The following MLXIPL variants were observed in gnomAD, a reference collection of about 807,000 sequenced individuals.
MLXIPL encodes carbohydrate-responsive element-binding protein.
MLXIPL carries 49 observed loss-of-function variants against 81.5 expected under a neutral mutation model. That is an observed-to-expected ratio of 0.60 (90% CI 0.48 to 0.76). MLXIPL has a LOEUF of 0.76. Ranked by LOEUF, MLXIPL falls within the 30% of genes least tolerant of loss-of-function variation. MLXIPL has a pLI of 0.00. For missense variants in MLXIPL, 1,053 were observed against 1,167.0 expected (o/e 0.90, Z 1.42); for synonymous variants, 466 against 485.5 (o/e 0.96, Z 0.53).
At chr7:73,619,799 A>G (rs1408056970) in intron 1 of MLXIPL, among the ~76,000 whole-genome samples, 1 of 151,370 alleles carries the variant, frequency 6.6e-6, no homozygotes, top group African/African-American at 2.4e-5. Context: ...GCGTGGTGGC[A>G]GGTGCCTGTG....
chr7:73,608,076 C>T (rs564858798), intron 2 of MLXIPL, among the ~76,000 whole-genome samples: 13 of 150,660 alleles, frequency 8.6e-5, no homozygotes, highest in Admixed American at 3.3e-4. Context: ...AGGCTGGTCT[C>T]GAACTGCTGA....
intron 2 of MLXIPL, among the ~76,000 whole-genome samples, chr7:73,611,823 A>T (rs1000372467): frequency 4.6e-5 from 7 of 152,000 alleles, no homozygotes; most frequent in Non-Finnish European, 1.0e-4. Context: ...CAAAAAAAAA[A>T]AAATAAAATA....
At chr7:73,625,114 G>A (rs1796660617), upstream of MLXIPL, among the ~76,000 whole-genome samples, 1 of 152,180 alleles carries the variant, frequency 6.6e-6, no homozygotes, top group Non-Finnish European at 1.5e-5. Flanking sequence ...AGACCAAGAG[G>A]TTGAGGCTGC....
At position 73,624,251 on chromosome 7, in the gene MLXIPL, C is replaced by A; in HGVS notation, c.242G>T (p.Ser81Ile). Residue 81 changes from serine to isoleucine, a missense_variant, in exon 1 of 17, where the codon AGT becomes ATT. Ser to Ile is a moderately radical substitution (Grantham distance 142). Around this residue, in one of 3 missense-constraint regions of MLXIPL, gnomAD observed 226 missense variants for 216.2 expected, o/e 1.05. Transcript: ENST00000313375. ...GAGGCGTGTGAGTGTGGGGTCGATA[C>A]TGCGCGGCCCGAAGTCGGAGGGCCC... Reference protein sequence around the residue: ...SVGPSDFGPRSIDPTLTRLFE... With the variant: ...SVGPSDFGPRIIDPTLTRLFE... 6.3e-7 allele frequency: 1 copy of A among 1,594,908 alleles called. No homozygotes were observed. The highest frequency in any genetic ancestry group is 1.3e-5 in the African/African-American group (1 of 74,496).
chr7:73,597,102 T>C, intron 9 of MLXIPL, 80 bp downstream of exon 9: 1 of 1,493,748 alleles, frequency 6.7e-7, no homozygotes. Flanking sequence ...CACCTTCATC[T>C]TCTGCTCCCA....
chr7:73,602,974 G>C (rs1795001603), intron 7 of MLXIPL, among the ~76,000 whole-genome samples: 1 of 152,190 alleles, frequency 6.6e-6, no homozygotes, highest in Non-Finnish European at 1.5e-5. Flanking sequence ...GAGAGAAGTT[G>C]CTTCCCAGCC....
upstream of MLXIPL, among the ~76,000 whole-genome samples, chr7:73,627,045 G>T (rs1194166446): frequency 2.0e-5 from 3 of 152,144 alleles, no homozygotes. Context: ...CCTTGGCCGG[G>T]TATCTTCTGT....
upstream of MLXIPL, among the ~76,000 whole-genome samples, chr7:73,627,910 C>T (rs1162385787): frequency 6.6e-6 from 1 of 152,146 alleles, no homozygotes; most frequent in Non-Finnish European, 1.5e-5. Context: ...GGGGAGATCT[C>T]TGTCTCTCTG....
At chr7:73,594,095 C>T in intron 16 of MLXIPL, 112 bp from the exon 17 acceptor site, 1 of 1,364,032 alleles carries the variant, frequency 7.3e-7, no homozygotes, top group Non-Finnish European at 1.0e-6. Context: ...ACTGTCACCC[C>T]CTCCTAGAAC....
At position 73,594,349 on chromosome 7, in the gene MLXIPL, C is replaced by T; in HGVS notation, c.2365G>A (p.Ala789Thr). The T allele has an allele frequency of 6.2e-7, 1 of 1,609,690 alleles. No homozygotes were observed. Residue 789 changes from alanine (A) to threonine (T), a missense_variant, in exon 16 of 17, where the codon GCA becomes ACA. Transcript: ENST00000313375. ...GTCTGGCGGAGGGTGTGCACACTTG[C>T]CGTGGACACCATCCCGTTGAAGGAC... ...FESFNGMVST[A>T]SVHTLRQTSL...
At chr7:73,616,669 T>G (rs1251178685) in intron 1 of MLXIPL, among the ~76,000 whole-genome samples, 2 of 151,972 alleles carry the variant, frequency 1.3e-5, no homozygotes, top group African/African-American at 4.8e-5. Context: ...TCCAACATAC[T>G]GAAGCCCTGT....
chr7:73,620,306 A>T (rs1362561705), intron 1 of MLXIPL, among the ~76,000 whole-genome samples: 2 of 151,964 alleles, frequency 1.3e-5, no homozygotes, highest in Non-Finnish European at 2.9e-5. Context: ...CGGGAGGCTG[A>T]GGCAGGAGAA....
the MLXIPL span, among the ~76,000 whole-genome samples, chr7:73,640,102 TAAAA>T: frequency 2.2e-4 from 33 of 149,954 alleles, no homozygotes; most frequent in Middle Eastern, 7.0e-3. Flanking sequence ...TAAAATAAAA[TAAAA>T]TAAAAAGAAA....
chr7:73,597,116 C>G (rs1248276271), intron 9 of MLXIPL, 66 bp downstream of exon 9: 2 of 1,509,262 alleles, frequency 1.3e-6, no homozygotes, highest in East Asian at 2.4e-5. Flanking sequence ...GCTCCCAAAA[C>G]CCCCTGTCCT....
chr7:73,640,436 G>T, the MLXIPL span, among the ~76,000 whole-genome samples: 2 of 150,196 alleles, frequency 1.3e-5, no homozygotes, highest in East Asian at 3.9e-4. Context: ...AAAAGAAATG[G>T]CAAAGAACCC....
chr7:73,618,522 C>T (rs1473118687), intron 1 of MLXIPL, among the ~76,000 whole-genome samples: 1 of 148,866 alleles, frequency 6.7e-6, no homozygotes, highest in Non-Finnish European at 1.5e-5. Context: ...GTGCATTGGT[C>T]ATTGGGCCCT....
At chr7:73,642,311 C>T in the MLXIPL span, among the ~76,000 whole-genome samples, 35 of 151,942 alleles carry the variant, frequency 2.3e-4, no homozygotes, top group African/African-American at 8.5e-4. Context: ...CTCCATGAAG[C>T]CCAACATTTA....
intron 1 of MLXIPL, among the ~76,000 whole-genome samples, chr7:73,616,913 C>T (rs1554600888): frequency 1.3e-5 from 2 of 150,872 alleles, no homozygotes; most frequent in Non-Finnish European, 2.9e-5. Flanking sequence ...GGTCCGAGGT[C>T]ACTCAGGCCT....
At chr7:73,638,532 T>G in the MLXIPL span, among the ~76,000 whole-genome samples, 1 of 152,192 alleles carries the variant, frequency 6.6e-6, no homozygotes, top group Non-Finnish European at 1.5e-5. Flanking sequence ...TCTGCCCACC[T>G]TGGCCTCCCA....
Sources: gnomAD v4.1 joint callset for allele counts (sites outside exome capture counted in the v4.1 genomes callset) on GRCh38, gnomAD v4.1.1 for gene constraint, gnomAD v4.1.1 regional missense constraint, MANE v1.5 for transcripts, NCBI Gene and HGNC (gene_info 2026-07-23, HGNC 2026-07-21) for gene names.